Variants in ZSCAN5A observed in about 807,000 individuals in gnomAD.
The protein encoded by ZSCAN5A is zinc finger and SCAN domain containing 5A.
ZSCAN5A carries 12 observed loss-of-function variants against 23.7 expected under a neutral mutation model. The ratio of observed to expected loss-of-function variants is 0.51; its 90% CI spans 0.32 to 0.82. The LOEUF (loss-of-function observed/expected upper bound fraction) is 0.82, where lower values mean the gene tolerates loss of function less well. Among genes scored for constraint, ZSCAN5A ranks in the 40% least tolerant of loss-of-function variants. The pLI is 0.03. For missense variants in ZSCAN5A, 597 were observed against 617.9 expected (o/e 0.97, Z 0.36); for synonymous variants, 257 against 239.9 (o/e 1.07, Z -0.66).
chr19:56,274,315 A>G (rs1290455359), intron 2 of ZSCAN5A, among the ~76,000 whole-genome samples: 1 of 152,042 alleles, frequency 6.6e-6, no homozygotes, highest in Non-Finnish European at 1.5e-5. Flanking sequence ...TTATCCAGGC[A>G]TGGTAGTAGG....
chr19:56,274,641 C>A lies in ZSCAN5A; in HGVS notation c.-128+38642G>T, dbSNP rs1462445570. The A allele has an allele frequency of 2.6e-5, 4 of 152,124 alleles. No individual in the cohort carries two copies. In the South Asian group the frequency reaches 6.2e-4, roughly 24 times the overall value. The allele number at this position is 152,124 out of a possible 1,614,324, so 9.4% of individuals were successfully genotyped here. Reference sequence around the variant, plus strand: ...CAATGACTAAAAGCAAGACCCAACACCAGAACAAAACTATTAAAGAAATTA... The same window carrying A: ...CAATGACTAAAAGCAAGACCCAACAACAGAACAAAACTATTAAAGAAATTA... On this transcript the variant is annotated intron_variant, in intron 2 of 5. Coordinates refer to ENST00000683990, the MANE Select transcript of ZSCAN5A (RefSeq NM_001322064.3).
chr19:56,282,701 T>G (rs1343670821), intron 2 of ZSCAN5A, among the ~76,000 whole-genome samples: 1 of 152,174 alleles, frequency 6.6e-6, no homozygotes, highest in Non-Finnish European at 1.5e-5. Flanking sequence ...TTGTCTCCCC[T>G]CAAAGCCACT....
chr19:56,350,357 G>A (rs575497121), intron 2 of ZSCAN5A, among the ~76,000 whole-genome samples: 2 of 152,126 alleles, frequency 1.3e-5, no homozygotes, highest in South Asian at 2.1e-4. Context: ...GGAAATAACC[G>A]GTTGTTTAAA....
Position 56,223,787 on chromosome 19 carries a change from ATCT to A in ZSCAN5A, c.429_431del (p.Asp144del). ...TGGAGGGGGCTTCAGCCATCTCGAT[ATCT>A]GAGTCCTGCACAATATATTCCTTTC... On this transcript the variant is annotated inframe_deletion, in exon 4 of 6. Coordinates refer to ENST00000683990, the MANE Select transcript of ZSCAN5A (RefSeq NM_001322064.3). The A allele has an allele frequency of 6.2e-7, 1 of 1,613,756 alleles. No individual in the cohort carries two copies. Among genetic ancestry groups the A allele is most frequent in the Non-Finnish European group, 8.5e-7 (1 of 1,179,994 alleles).
At chr19:56,326,433 A>C (rs528500880) in intron 2 of ZSCAN5A, among the ~76,000 whole-genome samples, 2 of 151,890 alleles carry the variant, frequency 1.3e-5, no homozygotes, top group East Asian at 1.9e-4. Context: ...ACAGTATTTC[A>C]TCTTATAGCT....
chr19:56,284,155 A>AC, intron 2 of ZSCAN5A: 1 of 985,430 alleles, frequency 1.0e-6, no homozygotes, highest in Non-Finnish European at 1.2e-6. Flanking sequence ...CACGCATGTA[A>AC]CCTTGGCCAC....
intron 2 of ZSCAN5A, chr19:56,321,246 G>GTA: frequency 1.5e-6 from 1 of 669,894 alleles, no homozygotes; most frequent in Middle Eastern, 2.6e-4. Context: ...ATCAGTTGGG[G>GTA]TATCAGTAGT....
rs751669053 is a variant in ZSCAN5A at position 56,221,631 on chromosome 19, G to A, written c.1435C>T (p.Arg479Trp). The A allele has an allele frequency of 2.5e-6, 4 of 1,612,032 alleles. No individual in the cohort carries two copies. In the African/African-American group the frequency reaches 4.0e-5, roughly 16 times the overall value. Residue 479 changes from arginine (R) to tryptophan (W), a missense_variant, in exon 6 of 6, where the codon CGG becomes TGG. This residue lies in a region of ZSCAN5A where 87 missense variants were observed against 74.4 expected (regional missense o/e 1.17). Coordinates refer to ENST00000683990, the MANE Select transcript of ZSCAN5A (RefSeq NM_001322064.3). ...KCSKCPRAFS[R>W]LKLLRRHQKT... ...TGGTGGCGTCTTAACAATTTCAGCCGACTGAAGGCTCTTGGACACTTGGAA... is the reference window on the plus strand; with the variant it reads ...TGGTGGCGTCTTAACAATTTCAGCCAACTGAAGGCTCTTGGACACTTGGAA...
At chr19:56,321,250 C>G in intron 2 of ZSCAN5A, 1 of 668,214 alleles carries the variant, frequency 1.5e-6, no homozygotes, top group East Asian at 3.0e-5. Flanking sequence ...GTTGGGGTAT[C>G]AGTAGTGCCA....
At chr19:56,252,601 G>A (rs1199008583) in intron 2 of ZSCAN5A, among the ~76,000 whole-genome samples, 1 of 152,218 alleles carries the variant, frequency 6.6e-6, no homozygotes, top group Non-Finnish European at 1.5e-5. Flanking sequence ...GGCACTAGAA[G>A]AGGGAGTACC....
chr19:56,294,489 A>AT (rs368273704), intron 2 of ZSCAN5A, among the ~76,000 whole-genome samples: 8 of 151,462 alleles, frequency 5.3e-5, no homozygotes, highest in African/African-American at 7.3e-5. Context: ...ATCAATCAGC[A>AT]TTTTTTTTTC....
intron 2 of ZSCAN5A, among the ~76,000 whole-genome samples, chr19:56,262,552 C>T (rs2037200412): frequency 6.6e-6 from 1 of 151,880 alleles, no homozygotes; most frequent in African/African-American, 2.4e-5. Flanking sequence ...CTCCCAGTAT[C>T]CCAAGTAACT....
upstream of ZSCAN5A, among the ~76,000 whole-genome samples, chr19:56,319,595 G>A (rs539026395): frequency 6.6e-6 from 1 of 151,866 alleles, no homozygotes; most frequent in Non-Finnish European, 1.5e-5. Context: ...CGAGTCTCTG[G>A]GATTGGTGAA....
intron 2 of ZSCAN5A, among the ~76,000 whole-genome samples, chr19:56,280,124 C>A (rs1210129896): frequency 6.6e-6 from 1 of 152,096 alleles, no homozygotes; most frequent in East Asian, 1.9e-4. Flanking sequence ...CAAGTAGAAA[C>A]AAATGTGTAT....
chr19:56,225,182 GA>G lies in ZSCAN5A; in HGVS notation c.-127-10del, dbSNP rs72530668. ...ACTGTTCATTCAGAAGTCTGGGGGG[GA>G]AAAGTATGAGCCTCATTAGTTTAAG... On this transcript the variant is annotated splice_polypyrimidine_tract_variant and intron_variant, in intron 2 of 5. Transcript: ENST00000683990. 1 of 1,408,694 alleles carries G rather than the reference GA, an allele frequency of 7.1e-7. No individual in the cohort carries two copies. The highest frequency in any genetic ancestry group is 9.2e-7 in the Non-Finnish European group (1 of 1,087,312). The allele number at this position is 1,408,694 out of a possible 1,614,324, so 87.3% of individuals were successfully genotyped here.
intron 1 of ZSCAN5A, among the ~76,000 whole-genome samples, chr19:56,313,737 A>T (rs2041190300): frequency 6.6e-6 from 1 of 152,202 alleles, no homozygotes; most frequent in Non-Finnish European, 1.5e-5. Flanking sequence ...GGATACCATT[A>T]ATGGCCTTTG....
At chr19:56,325,709 T>C (rs1250324629) in intron 2 of ZSCAN5A, among the ~76,000 whole-genome samples, 1 of 150,132 alleles carries the variant, frequency 6.7e-6, no homozygotes, top group Non-Finnish European at 1.5e-5. Flanking sequence ...ATTAGATTAG[T>C]GAGGCAGATA....
At position 56,351,916 on chromosome 19, in the gene ZSCAN5A, C is replaced by A. The variant is rs537402155; in HGVS notation, c.-358+11319G>T. 7.2e-5 allele frequency among the ~76,000 whole-genome samples: 11 copies of A among 152,238 alleles called. No individual in the cohort carries two copies. Among genetic ancestry groups the A allele is most frequent in the Non-Finnish European group, 1.3e-4 (9 of 68,010 alleles). On this transcript the variant is annotated intron_variant, in intron 2 of 6. Transcript: ENST00000587340. The surrounding 1 kb of genome is among the most constrained non-coding windows in gnomAD (Gnocchi z 4.8). ...TTTTCCCAGCAATAATTTTACAGAC[C>A]TGAGACGTTTGCAAGATGAAATTGT...
chr19:56,309,563 T>C (rs1380530683), intron 2 of ZSCAN5A, among the ~76,000 whole-genome samples: 1 of 152,192 alleles, frequency 6.6e-6, no homozygotes, highest in African/African-American at 2.4e-5. Context: ...CCTGCTCACA[T>C]AGACTGTGAG....
Sources: allele counts gnomAD v4.1 joint callset (sites outside exome capture counted in the v4.1 genomes callset), GRCh38; gene constraint gnomAD v4.1.1; regional missense constraint gnomAD v4.1.1; non-coding constraint Gnocchi (gnomAD v3.1); transcripts MANE v1.5; gene names NCBI Gene and HGNC (gene_info 2026-07-23, HGNC 2026-07-21).